CHAT: variants seen among roughly 807,000 people sequenced by gnomAD.
CHAT encodes acetyl CoA:choline O-acetyltransferase.
A neutral mutation model predicts 76.9 loss-of-function variants in CHAT; 61 were observed. That is an observed-to-expected ratio of 0.79 (90% CI 0.65 to 0.98). CHAT has a LOEUF of 0.98. CHAT is among the 50% of genes least tolerant of loss of function. CHAT has a pLI of 0.00. For missense variants in CHAT, 946 were observed against 986.9 expected, an observed-to-expected ratio of 0.96 and a Z score of 0.56; for synonymous variants, 407 against 397.4, an observed-to-expected ratio of 1.02 and a Z score of -0.29.
In CHAT at chr10:49,620,584, G is replaced by A; in HGVS notation, c.669G>A (p.Gln223=). 1 of 1,613,568 alleles carries A rather than the reference G, an allele frequency of 6.2e-7. No homozygotes were observed. Among genetic ancestry groups the A allele is most frequent in the African/African-American group, 1.3e-5 (1 of 75,030 alleles). ...GCCCTGCCGTGATCTTTGCTCGGCA[G>A]CACTTCCCTGGCACCGATGACCAGC... ...NSSPAVIFAR[Q]HFPGTDDQLR... is the part of the protein sequence containing the mutation. The change falls in exon 4 of 15, where the codon CAG becomes CAA. Residue 223 remains glutamine (Q), a synonymous_variant. Transcript: ENST00000337653.
intron 14 of CHAT, 48 bp from the exon 15 acceptor site, chr10:49,664,729 C>T (rs372577323): frequency 3.1e-5 from 50 of 1,612,300 alleles, no homozygotes; most frequent in African/African-American, 3.1e-4. Context: ...TCGAGGCTGG[C>T]GGGCTGCATT....
At chr10:49,614,767 T>C (rs954068171) in intron 1 of CHAT, among the ~76,000 whole-genome samples, 6 of 152,202 alleles carry the variant, frequency 3.9e-5, no homozygotes, top group African/African-American at 4.8e-5. Context: ...GCTTTCTGTG[T>C]CTAGTCGGAG....
chr10:49,621,970 G>A, intron 4 of CHAT, 127 bp from the exon 5 acceptor site: 4 of 966,250 alleles, frequency 4.1e-6, no homozygotes, highest in Admixed American at 1.8e-5. Context: ...GGAGGAGGGA[G>A]GGAGAAGGGA....
chr10:49,645,191 CAT>C (rs989962746), intron 7 of CHAT, among the ~76,000 whole-genome samples: 1 of 152,156 alleles, frequency 6.6e-6, no homozygotes, highest in African/African-American at 2.4e-5. Context: ...AAAGAAAGGA[CAT>C]GTGGTGTGCA....
At chr10:49,612,718 GGAGGCC>G, upstream of CHAT, 1 of 224,498 alleles carries the variant, frequency 4.5e-6, no homozygotes, top group Admixed American at 5.8e-5. Context: ...GTCTGTCCCA[GGAGGCC>G]GAGTCTCTTT....
At chr10:49,653,798 C>T (rs144802194) in intron 11 of CHAT, among the ~76,000 whole-genome samples, 1,693 of 152,326 alleles carry the variant, frequency 0.011, 15 homozygotes, top group Non-Finnish European at 0.017. Context: ...CTGCCAGAGC[C>T]TCGACTGGGG....
At chr10:49,638,805 T>C (rs1049004341) in intron 7 of CHAT, among the ~76,000 whole-genome samples, 3 of 152,216 alleles carry the variant, frequency 2.0e-5, no homozygotes, top group South Asian at 2.1e-4. Flanking sequence ...TGCTTCAACA[T>C]TGAAACACAG....
At chr10:49,640,623 C>T (rs985208904) in intron 7 of CHAT, among the ~76,000 whole-genome samples, 1 of 152,146 alleles carries the variant, frequency 6.6e-6, no homozygotes, top group East Asian at 1.9e-4. Context: ...ACTGTGCCTT[C>T]TCTGATACCC....
rs561823003 is a variant in CHAT, at chr10:49,649,649, G to A, written c.1511+13G>A. The A allele has an allele frequency of 1.1e-4, 179 of 1,613,576 alleles. No individual in the cohort carries two copies. Among genetic ancestry groups the A allele is most frequent in the African/African-American group, 3.6e-4 (27 of 75,032 alleles). ...AAAAACTTCAACGGTAAGGATAACC[G>A]AAGTCTCCTTTGAGGGGTCCCCTAG... On this transcript the variant is annotated intron_variant, in intron 10 of 14. Transcript: ENST00000337653.
Position 49,646,551 on chromosome 10 carries a change from C to T in CHAT, c.1158C>T (p.Cys386=), listed in dbSNP as rs1348230384. Residue 386 remains cysteine (C), a synonymous_variant, in exon 8 of 15, where the codon TGC becomes TGT. Transcript: ENST00000337653. ...DSLDMIERCI[C]LVCLDAPGGV... is the part of the protein sequence containing the mutation. ...TGGACATGATTGAGCGCTGCATCTGCCTTGTATGCCTGGACGCGCCAGGAG... is the reference window on the plus strand; with the variant it reads ...TGGACATGATTGAGCGCTGCATCTGTCTTGTATGCCTGGACGCGCCAGGAG... 2 of 1,614,114 alleles carry T rather than the reference C, an allele frequency of 1.2e-6. No individual in the cohort carries two copies. Among genetic ancestry groups the T allele is most frequent in the East Asian group, 2.2e-5 (1 of 44,898 alleles).
chr10:49,610,756 C>T, upstream of CHAT: 1 of 1,531,706 alleles, frequency 6.5e-7, no homozygotes, highest in Non-Finnish European at 8.8e-7. Flanking sequence ...ATCCGCGGAA[C>T]CTGCGGGCCA....
chr10:49,646,983 T>C, intron 8 of CHAT: 1 of 464,300 alleles, frequency 2.2e-6, no homozygotes, highest in South Asian at 2.2e-5. Context: ...CTGGGGCCCA[T>C]TTCCCATCAC....
chr10:49,616,389 C>T, intron 1 of CHAT, 113 bp from the exon 2 acceptor site: 2 of 833,854 alleles, frequency 2.4e-6, no homozygotes, highest in Non-Finnish European at 4.1e-6. Flanking sequence ...ACACAGCTGT[C>T]AGGCTCTGGC....
intron 10 of CHAT, among the ~76,000 whole-genome samples, chr10:49,650,496 A>T (rs945002757): frequency 2.0e-5 from 3 of 152,118 alleles, no homozygotes; most frequent in Non-Finnish European, 4.4e-5. Flanking sequence ...GTGCAAGCAG[A>T]TGGGGAAGAG....
intron 7 of CHAT, chr10:49,637,605 G>A (rs1001932501): frequency 2.4e-4 from 37 of 152,706 alleles, no homozygotes; most frequent in African/African-American, 7.7e-4. Flanking sequence ...TCCCCTTCGC[G>A]TTCTGCCATG....
upstream of CHAT, chr10:49,610,839 C>G (rs1348559155): frequency 4.3e-6 from 7 of 1,610,776 alleles, no homozygotes; most frequent in Non-Finnish European, 5.9e-6. Context: ...GGCAGAGGCG[C>G]CTGGTGCTTG....
chr10:49,618,393 C>A (rs1314001957), intron 2 of CHAT, among the ~76,000 whole-genome samples: 2 of 152,128 alleles, frequency 1.3e-5, no homozygotes, highest in African/African-American at 4.8e-5. Flanking sequence ...GTTTGCTACC[C>A]CCATTTTACA....
chr10:49,648,395 G>A, intron 8 of CHAT, 112 bp from the exon 9 acceptor site: 1 of 737,090 alleles, frequency 1.4e-6, no homozygotes, highest in Non-Finnish European at 2.4e-6. Flanking sequence ...ATGTGCTCTG[G>A]TGTCCCTGGA....
At chr10:49,656,741 G>A (rs1272829467) in intron 13 of CHAT, among the ~76,000 whole-genome samples, 1 of 152,188 alleles carries the variant, frequency 6.6e-6, no homozygotes, top group South Asian at 2.1e-4. Context: ...ATGGTGACTG[G>A]GTGGAAGAAG....
Sources: allele counts gnomAD v4.1 joint callset (sites outside exome capture counted in the v4.1 genomes callset), GRCh38; gene constraint gnomAD v4.1.1; transcripts MANE v1.5; gene names NCBI Gene and HGNC (gene_info 2026-07-23, HGNC 2026-07-21).